Variants in CRYBG3 observed in about 807,000 individuals in gnomAD.
The protein encoded by CRYBG3 is very large A-kinase anchor protein.
Under a neutral mutation model 244.2 loss-of-function variants are expected in CRYBG3, and 127 were observed. The observed-to-expected ratio is 0.52, with a 90% confidence interval of 0.45 to 0.60. CRYBG3 has a LOEUF of 0.60. Among genes scored for constraint, CRYBG3 ranks in the 20% least tolerant of loss-of-function variants. The pLI is 0.00. For missense variants in CRYBG3, 3,325 were observed against 3,442.5 expected (o/e 0.97, Z 0.85); for synonymous variants, 1,132 against 1,195.8 (o/e 0.95, Z 1.10).
chr3:97,822,887 T>C (rs1475656973), intron 1 of CRYBG3, among the ~76,000 whole-genome samples: 1 of 152,226 alleles, frequency 6.6e-6, no homozygotes, highest in Non-Finnish European at 1.5e-5. Flanking sequence ...GCCATCTTAT[T>C]TAAATTTTCT....
intron 2 of CRYBG3, among the ~76,000 whole-genome samples, chr3:97,860,338 C>T (rs1209972530): frequency 6.6e-6 from 1 of 152,040 alleles, no homozygotes; most frequent in African/African-American, 2.4e-5. Context: ...AAGGAGGAAA[C>T]ACATATTAAA....
chr3:97,853,406 T>TACACAC (rs57065921), intron 2 of CRYBG3, among the ~76,000 whole-genome samples: 7,314 of 147,682 alleles, frequency 0.05, 232 homozygotes, highest in Non-Finnish European at 0.074. Context: ...ACACATACAA[T>TACACAC]ACACACACAC....
At chr3:97,911,084 C>A (rs572588880) in intron 15 of CRYBG3, among the ~76,000 whole-genome samples, 1 of 152,174 alleles carries the variant, frequency 6.6e-6, no homozygotes, top group East Asian at 1.9e-4. Flanking sequence ...AGTTTTCTCA[C>A]CTCCCTGATT....
Position 97,878,010 on chromosome 3 carries a change from C to T in CRYBG3, c.6816C>T (p.Ser2272=). 1 of 1,612,900 alleles carries T rather than the reference C, an allele frequency of 6.2e-7. No homozygotes were observed. Among genetic ancestry groups the T allele is most frequent in the Non-Finnish European group, 8.5e-7 (1 of 1,179,620 alleles). Residue 2272 remains serine (S), a synonymous_variant, in exon 4 of 22, where the codon AGC becomes AGT. Coordinates refer to ENST00000389622, the MANE Select transcript of CRYBG3 (RefSeq NM_153605.4). ...CAAAATATTTCCGTGTTCAAGACAG[C>T]CCAGGCAGATTGAGCCCATTTATAG... ...PVSKYFRVQD[S]PGRLSPFIEN...
rs831884 is a variant in CRYBG3, at chr3:97,910,763, G to T, written c.8005-1404G>T. On this transcript the variant is annotated intron_variant, in intron 15 of 21. Transcript: ENST00000389622. Reference sequence around the variant, plus strand: ...GAGCTGTTCCTATTCGGCCATCTTGGCTCCTCCCCCTTCTTTTATTTTTTT... The same window carrying T: ...GAGCTGTTCCTATTCGGCCATCTTGTCTCCTCCCCCTTCTTTTATTTTTTT... 2.5e-3 allele frequency among the ~76,000 whole-genome samples: 380 copies of T among 152,286 alleles called. 3 individuals are homozygous for T. The East Asian group carries it at 0.025, about 10-fold the overall frequency.
intron 1 of CRYBG3, among the ~76,000 whole-genome samples, chr3:97,841,501 A>AT (rs1191796514): frequency 3.3e-5 from 5 of 151,416 alleles, no homozygotes; most frequent in Non-Finnish European, 5.9e-5. Context: ...TTTTGTTTCC[A>AT]TTTTTTGACC....
At chr3:97,882,132 C>T (rs2039455943) in intron 7 of CRYBG3, among the ~76,000 whole-genome samples, 1 of 151,848 alleles carries the variant, frequency 6.6e-6, no homozygotes, top group South Asian at 2.1e-4. Context: ...TCACTTGAAC[C>T]TGGAGGGCAG....
chr3:97,910,604 G>A (rs1343353053), intron 15 of CRYBG3, among the ~76,000 whole-genome samples: 3 of 152,148 alleles, frequency 2.0e-5, no homozygotes, highest in Non-Finnish European at 4.4e-5. Flanking sequence ...TCCCTGCTTC[G>A]GTTCGCGCAC....
At position 97,876,533 on chromosome 3, in the gene CRYBG3, C is replaced by T; in HGVS notation, c.5339C>T (p.Ser1780Phe). ...AKGFTGNTEG[S>F]VLKMEATYRK... The stretch of plus-strand genomic sequence containing the variant: ...GGTTTTACCGGGAACACTGAAGGGT[C>T]TGTGTTGAAAATGGAAGCTACTTAC... The change falls in exon 4 of 22, where the codon TCT becomes TTT. Residue 1780 changes from serine to phenylalanine, a missense_variant. Physicochemically the swap from Ser to Phe is radical, Grantham distance 155. Transcript: ENST00000389622. The T allele has an allele frequency of 1.6e-6, 2 of 1,232,138 alleles. No homozygotes were observed. 76.3% of individuals were successfully genotyped at this position (1,232,138 alleles called of 1,614,324 possible). A position where few individuals can be genotyped will look rare whatever the true frequency, so the allele number is the denominator to read the frequency against.
rs976301071 is a variant in CRYBG3 at position 97,904,680 on chromosome 3, T to A, written c.8004+4195T>A. ...TTTTCTTTTATTTTTATTTTTTTTA[T>A]TTTTTATTTTTTTATTTTTATTTTT... is the stretch of plus-strand genomic sequence containing the variant. On this transcript the variant is annotated intron_variant, in intron 15 of 21. Transcript: ENST00000389622. Among the ~76,000 whole-genome samples the A allele has an allele frequency of 3.3e-5, 5 of 151,004 alleles. No homozygotes were observed. In the South Asian group the frequency reaches 8.3e-4, roughly 25 times the overall value.
At chr3:97,919,923 G>T (rs773596779) in intron 17 of CRYBG3, among the ~76,000 whole-genome samples, 1 of 151,980 alleles carries the variant, frequency 6.6e-6, no homozygotes, top group Non-Finnish European at 1.5e-5. Flanking sequence ...GCACCACCAT[G>T]TCTGGCTAGT....
At chr3:97,904,989 T>C (rs1014184339) in intron 15 of CRYBG3, among the ~76,000 whole-genome samples, 4 of 150,910 alleles carry the variant, frequency 2.7e-5, no homozygotes, top group African/African-American at 9.8e-5. Flanking sequence ...ATATGCGGTG[T>C]TTGGTTTTTT....
At chr3:97,841,864 C>T (rs1250733864) in intron 1 of CRYBG3, among the ~76,000 whole-genome samples, 1 of 152,088 alleles carries the variant, frequency 6.6e-6, no homozygotes, top group African/African-American at 2.4e-5. Flanking sequence ...TACCTCTGTC[C>T]TTCGCAAGCT....
chr3:97,874,971 A>G lies in CRYBG3; in HGVS notation c.3777A>G (p.Thr1259=), dbSNP rs1270511099. The change falls in exon 4 of 22, where the codon ACA becomes ACG. Residue 1259 remains threonine (T), a synonymous_variant. Coordinates refer to ENST00000389622, the MANE Select transcript of CRYBG3 (RefSeq NM_153605.4). ...TGACACTAACAGAAATACAACAGAC[A>G]GAGGGTTTGGAAGAGCAAGGCATGG... The part of the protein sequence containing the change: ...SEVTLTEIQQ[T]EGLEEQGMEN... The G allele has an allele frequency of 4.6e-6, 7 of 1,536,042 alleles. No individual in the cohort carries two copies. The South Asian group carries it at 8.3e-5, about 18-fold the overall frequency.
rs755552934 is a variant in CRYBG3 at position 97,895,950 on chromosome 3, T to C, written c.7575-9T>C. 124 of 1,610,676 alleles carry C rather than the reference T, an allele frequency of 7.7e-5. No homozygotes were observed. Among genetic ancestry groups the C allele is most frequent in the Non-Finnish European group, 3.6e-5 (43 of 1,178,768 alleles). On this transcript the variant is annotated splice_polypyrimidine_tract_variant and intron_variant, in intron 11 of 21. Transcript: ENST00000389622. ...TAATGGGTCATTTGGGTGTCCCCTG[T>C]ATTTCTAGGTGGGTTGCCTATGAAA...
At position 97,873,819 on chromosome 3, in the gene CRYBG3, A is replaced by G. The variant is rs1309960975; in HGVS notation, c.2625A>G (p.Leu875=). 4 of 1,533,174 alleles carry G rather than the reference A, an allele frequency of 2.6e-6. No homozygotes were observed. The African/African-American group carries it at 5.5e-5, about 21-fold the overall frequency. 95.0% of individuals were successfully genotyped at this position (1,533,174 alleles called of 1,614,324 possible). Residue 875 remains leucine (L), a synonymous_variant, in exon 4 of 22, where the codon TTA becomes TTG. Transcript: ENST00000389622. ...HVPEKPILSE[L]TFLEVEQGKR... ...CAGAAAAGCCTATTTTGTCAGAATT[A>G]ACCTTTCTAGAAGTTGAACAGGGCA...
At chr3:97,886,869 T>C in intron 8 of CRYBG3, 102 bp downstream of exon 8, 1 of 1,000,204 alleles carries the variant, frequency 1.0e-6, no homozygotes, top group Non-Finnish European at 1.5e-6. Context: ...ATGTTTATAC[T>C]CTCAGTCACC....
intron 19 of CRYBG3, among the ~76,000 whole-genome samples, chr3:97,937,205 T>G (rs2040174405): frequency 6.6e-6 from 1 of 152,118 alleles, no homozygotes; most frequent in African/African-American, 2.4e-5. Context: ...ACTTTGATAC[T>G]GTACTAGTTT....
At chr3:97,881,628 A>G (rs898357002) in intron 7 of CRYBG3, among the ~76,000 whole-genome samples, 60 of 152,102 alleles carry the variant, frequency 3.9e-4, no homozygotes, top group Admixed American at 4.6e-4. Flanking sequence ...AGGCACAAGA[A>G]TCACTTGAAC....
Sources: gnomAD v4.1 joint callset for allele counts (sites outside exome capture counted in the v4.1 genomes callset) on GRCh38, gnomAD v4.1.1 for gene constraint, MANE v1.5 for transcripts, NCBI Gene and HGNC (gene_info 2026-07-23, HGNC 2026-07-21) for gene names.